Variants in DNAH7 observed in about 807,000 individuals in gnomAD.
The protein encoded by DNAH7 is axonemal beta dynein heavy chain 7.
A neutral mutation model predicts 444.6 loss-of-function variants in DNAH7; 397 were observed. The ratio of observed to expected loss-of-function variants is 0.89; its 90% CI spans 0.82 to 0.97. DNAH7 has a LOEUF of 0.97. Ranked by LOEUF, DNAH7 falls within the 50% of genes least tolerant of loss-of-function variation. The pLI is 0.00. For synonymous variants in DNAH7, 1,636 were observed against 1,624.4 expected, an observed-to-expected ratio of 1.01 and a Z score of -0.17; for missense variants, 4,902 against 4,800.8, an observed-to-expected ratio of 1.02 and a Z score of -0.62.
chr2:195,957,867 C>A (rs1174749243), intron 18 of DNAH7, among the ~76,000 whole-genome samples: 1 of 151,920 alleles, frequency 6.6e-6, no homozygotes, highest in Admixed American at 6.6e-5. Context: ...CTATCTAGTT[C>A]CATGGCTAGA....
chr2:195,872,244 A>G lies in DNAH7; in HGVS notation c.6633+6T>C. 6.2e-7 allele frequency: 1 copy of G among 1,600,504 alleles called. No homozygotes were observed. The highest frequency in any genetic ancestry group is 8.5e-7 in the Non-Finnish European group (1 of 1,171,658). On this transcript the variant is annotated splice_donor_region_variant and intron_variant, in intron 40 of 64. Transcript: ENST00000312428. ...ATAATCCCATTTCAATAACAGGAAA[A>G]TTTACCTCATGAACCCAAAGACGTT... is the stretch of plus-strand genomic sequence containing the variant.
At chr2:195,930,719 T>C (rs1688635741) in intron 21 of DNAH7, among the ~76,000 whole-genome samples, 1 of 152,140 alleles carries the variant, frequency 6.6e-6, no homozygotes, top group Non-Finnish European at 1.5e-5. Flanking sequence ...AAAAGACACA[T>C]ATACTCATAT....
At chr2:195,982,233 C>T (rs903780813) in intron 15 of DNAH7, among the ~76,000 whole-genome samples, 1 of 152,110 alleles carries the variant, frequency 6.6e-6, no homozygotes, top group Admixed American at 6.5e-5. Context: ...GAAAGGTGCT[C>T]AACATCACCA....
At position 195,983,304 on chromosome 2, in the gene DNAH7, T is replaced by C. The variant is rs188442416; in HGVS notation, c.1833+1328A>G. On this transcript the variant is annotated intron_variant, in intron 15 of 64. Transcript: ENST00000312428. ...TCCATTTTGTGTTGCTATGAAGGAG[T>C]ACCTGAGGCTGGGTAAATTTGTAAA... Among the ~76,000 whole-genome samples, 109 of 152,202 alleles carry C rather than the reference T, an allele frequency of 7.2e-4. 1 individual carries two copies. Among genetic ancestry groups the C allele is most frequent in the Non-Finnish European group, 3.2e-4 (22 of 68,002 alleles).
intron 46 of DNAH7, among the ~76,000 whole-genome samples, chr2:195,849,988 T>G (rs1260974948): frequency 1.3e-5 from 2 of 152,194 alleles, no homozygotes; most frequent in African/African-American, 4.8e-5. Context: ...TTCTTGGATC[T>G]AGCTTGAAGC....
chr2:195,769,864 T>C (rs1694755560), intron 61 of DNAH7, among the ~76,000 whole-genome samples: 1 of 152,190 alleles, frequency 6.6e-6, no homozygotes, highest in Non-Finnish European at 1.5e-5. Context: ...ATACAGACTC[T>C]GAAATTTATC....
rs1342099124 is a variant in DNAH7 at position 195,864,717 on chromosome 2, AG to A, written c.6937del (p.Val2314SerfsTer7). On this transcript the variant is annotated frameshift_variant, in exon 41 of 65. Transcript: ENST00000312428. LOFTEE classifies it high-confidence loss of function. ...YNNISKKPMN[L>X]VLFRFAIEHI... ...CTCTATGGCAAATCGAAACAAGACA[AG>A]GTTCATGGGTTTTTTGCTTATATTG... The A allele has an allele frequency of 1.9e-6, 3 of 1,614,072 alleles. No individual in the cohort carries two copies. In the African/African-American group the frequency reaches 4.0e-5, roughly 22 times the overall value.
chr2:196,055,121 C>T (rs1697724711), intron 2 of DNAH7, among the ~76,000 whole-genome samples: 1 of 152,068 alleles, frequency 6.6e-6, no homozygotes, highest in Non-Finnish European at 1.5e-5. Context: ...TTTGGAAAGC[C>T]AAGGCAGGAG....
At chr2:195,791,295 G>A (rs1408371038) in intron 57 of DNAH7, among the ~76,000 whole-genome samples, 2 of 149,942 alleles carry the variant, frequency 1.3e-5, no homozygotes, top group African/African-American at 4.9e-5. Context: ...GTGAAACCCC[G>A]TCTCTACTAG....
intron 2 of DNAH7, among the ~76,000 whole-genome samples, chr2:196,053,686 T>G (rs1697628239): frequency 6.6e-6 from 1 of 152,208 alleles, no homozygotes; most frequent in East Asian, 1.9e-4. Flanking sequence ...ACTGCTCCCC[T>G]GTTCAGAAAC....
chr2:195,753,757 G>C (rs1574375288), intron 63 of DNAH7, among the ~76,000 whole-genome samples: 1 of 152,098 alleles, frequency 6.6e-6, no homozygotes, highest in Non-Finnish European at 1.5e-5. Flanking sequence ...ATAAAGTGTA[G>C]ACAATCATCA....
In DNAH7 at chr2:195,796,590, C is replaced by A; in HGVS notation, c.10501G>T (p.Glu3501Ter). The A allele has an allele frequency of 6.2e-7, 1 of 1,614,110 alleles. No homozygotes were observed. Among genetic ancestry groups the A allele is most frequent in the Non-Finnish European group, 8.5e-7 (1 of 1,179,992 alleles). The stretch of plus-strand genomic sequence containing the variant: ...TGCATTTTTACCTCACAGACTTTCT[C>A]AAGGGTTGGCATCCAAGAGGTGGCA... ...HLATSWMPTL[E>*]KVCEELSPES... The change falls in exon 56 of 65, where the codon GAG becomes TAG. Residue 3501 changes from glutamate (E) to a stop codon, truncating the protein, a stop_gained. Coordinates refer to ENST00000312428, the MANE Select transcript of DNAH7 (RefSeq NM_018897.3). LOFTEE classifies it high-confidence loss of function.
intron 23 of DNAH7, among the ~76,000 whole-genome samples, chr2:195,923,333 T>A (rs2125355737): frequency 6.6e-6 from 1 of 152,358 alleles, no homozygotes; most frequent in South Asian, 2.1e-4. Context: ...TAATTACTCA[T>A]CATTTTCGTG....
intron 53 of DNAH7, among the ~76,000 whole-genome samples, chr2:195,808,012 GCTTT>G (rs1414740899): frequency 6.6e-6 from 1 of 152,090 alleles, no homozygotes; most frequent in African/African-American, 2.4e-5. Flanking sequence ...TGCATATCTA[GCTTT>G]CTTTCCTCCA....
intron 46 of DNAH7, among the ~76,000 whole-genome samples, chr2:195,848,378 T>C (rs747648676): frequency 1.3e-5 from 2 of 152,250 alleles, no homozygotes; most frequent in African/African-American, 4.8e-5. Flanking sequence ...ACAGAAATCA[T>C]GTGCTCTTCT....
chr2:195,900,665 A>G, intron 27 of DNAH7, 171 bp from the exon 28 acceptor site: 3 of 587,762 alleles, frequency 5.1e-6, no homozygotes, highest in Non-Finnish European at 8.8e-6. Flanking sequence ...AGGTGGGGCA[A>G]TGGGGAGAGG....
At chr2:195,969,736 T>C (rs535140059) in intron 17 of DNAH7, among the ~76,000 whole-genome samples, 2 of 152,220 alleles carry the variant, frequency 1.3e-5, no homozygotes, top group South Asian at 2.1e-4. Flanking sequence ...ATCTTTAACA[T>C]AGGAAAAAAA....
chr2:195,987,223 A>C (rs756826881), intron 13 of DNAH7, 30 bp from the exon 14 acceptor site: 2 of 1,476,742 alleles, frequency 1.4e-6, no homozygotes, highest in Non-Finnish European at 1.8e-6. Flanking sequence ...TAATCAACAT[A>C]AGAAGAAATA....
intron 63 of DNAH7, among the ~76,000 whole-genome samples, chr2:195,753,356 C>A (rs1457984761): frequency 6.6e-6 from 1 of 152,092 alleles, no homozygotes; most frequent in East Asian, 1.9e-4. Context: ...GTGTTACAAA[C>A]CATCTTGAGA....
Sources: allele counts gnomAD v4.1 joint callset (sites outside exome capture counted in the v4.1 genomes callset), GRCh38; gene constraint gnomAD v4.1.1; transcripts MANE v1.5; gene names NCBI Gene and HGNC (gene_info 2026-07-23, HGNC 2026-07-21).